CEP63: variants seen among roughly 807,000 people sequenced by gnomAD.
The protein encoded by CEP63 is centrosomal protein 63.
Under a neutral mutation model 89.1 loss-of-function variants are expected in CEP63, and 84 were observed. That is an observed-to-expected ratio of 0.94 (90% confidence interval 0.79 to 1.13). CEP63 has a LOEUF of 1.13. Among genes scored for constraint, CEP63 ranks in the 50% most tolerant of loss-of-function variants. The probability of loss-of-function intolerance (pLI) is 0.00; values close to 1 mark genes in which losing one functional copy is unlikely to be tolerated. For synonymous variants in CEP63, 267 were observed against 272.5 expected, an observed-to-expected ratio of 0.98 and a Z score of 0.20; for missense variants, 838 against 813.3, an observed-to-expected ratio of 1.03 and a Z score of -0.37.
At chr3:134,779,169 T>C in the CEP63 span, among the ~76,000 whole-genome samples, 1 of 152,174 alleles carries the variant, frequency 6.6e-6, no homozygotes, top group Admixed American at 6.5e-5. Flanking sequence ...GGTAAATATA[T>C]GCAAAATAAT....
chr3:134,549,226 A>T, intron 10 of CEP63, 50 bp downstream of exon 10: 1 of 1,153,494 alleles, frequency 8.7e-7, no homozygotes, highest in Non-Finnish European at 1.3e-6. Flanking sequence ...TTTATGGACA[A>T]AGCTGTGGAT....
chr3:134,652,757 T>A, the CEP63 span, among the ~76,000 whole-genome samples: 1 of 152,124 alleles, frequency 6.6e-6, no homozygotes, highest in Non-Finnish European at 1.5e-5. Context: ...TGTTGGAGAT[T>A]GCTGAGGCAG....
chr3:134,514,922 T>TCC (rs1945878535), intron 3 of CEP63, among the ~76,000 whole-genome samples: 1 of 152,232 alleles, frequency 6.6e-6, no homozygotes, highest in Non-Finnish European at 1.5e-5. Context: ...TTTTGCTATG[T>TCC]TGCCCAGGCT....
At chr3:134,667,796 C>A in the CEP63 span, among the ~76,000 whole-genome samples, 1 of 152,150 alleles carries the variant, frequency 6.6e-6, no homozygotes, top group Admixed American at 6.5e-5. Flanking sequence ...GTGACCAAGA[C>A]CCCGGGGCAA....
intron 6 of CEP63, among the ~76,000 whole-genome samples, chr3:134,539,999 A>G (rs1407391526): frequency 2.6e-5 from 4 of 152,152 alleles, no homozygotes; most frequent in Non-Finnish European, 1.5e-5. Flanking sequence ...TTTGATAGGA[A>G]AAACCTATAT....
intron 3 of CEP63, among the ~76,000 whole-genome samples, chr3:134,509,507 C>T (rs1274235500): frequency 5.9e-5 from 9 of 152,184 alleles, no homozygotes; most frequent in Non-Finnish European, 1.2e-4. Flanking sequence ...ACATTTTTGA[C>T]GATTCTTTCC....
chr3:134,664,127 G>T, the CEP63 span, among the ~76,000 whole-genome samples: 1 of 152,186 alleles, frequency 6.6e-6, no homozygotes, highest in Non-Finnish European at 1.5e-5. Flanking sequence ...ACACCTGTTA[G>T]GCTGATTCAA....
At chr3:134,741,107 A>G in the CEP63 span, among the ~76,000 whole-genome samples, 2 of 152,200 alleles carry the variant, frequency 1.3e-5, no homozygotes, top group Admixed American at 6.5e-5. Flanking sequence ...CTCTCAACAG[A>G]TGGGTGGTGG....
Position 134,561,572 on chromosome 3 carries a change from A to G in CEP63, c.*37A>G, listed in dbSNP as rs1380714638. On this transcript the variant is annotated 3_prime_UTR_variant, in exon 15 of 15. Transcript: ENST00000675561. ...AATCACTATCTTGGAAATAAAAATA[A>G]ACACCAAAGAGTTACTGTCATCTGA... 6.3e-7 allele frequency: 1 copy of G among 1,586,146 alleles called. No individual in the cohort carries two copies. Among genetic ancestry groups the G allele is most frequent in the African/African-American group, 1.4e-5 (1 of 74,062 alleles).
At chr3:134,658,428 G>A in the CEP63 span, among the ~76,000 whole-genome samples, 2 of 152,154 alleles carry the variant, frequency 1.3e-5, no homozygotes, top group Non-Finnish European at 1.5e-5. Context: ...AAAGTCTGTG[G>A]CAGAGTCATG....
At chr3:134,713,554 T>TG in the CEP63 span, among the ~76,000 whole-genome samples, 1 of 152,166 alleles carries the variant, frequency 6.6e-6, no homozygotes, top group Non-Finnish European at 1.5e-5. Flanking sequence ...GGATCCTACA[T>TG]GGCATCATGG....
At chr3:134,658,961 C>T in the CEP63 span, among the ~76,000 whole-genome samples, 1 of 152,230 alleles carries the variant, frequency 6.6e-6, no homozygotes, top group Admixed American at 6.5e-5. Flanking sequence ...TATTTCTGTT[C>T]ATGACACCTT....
chr3:134,553,941 C>T (rs35718987), intron 12 of CEP63, among the ~76,000 whole-genome samples: 48,416 of 151,878 alleles, frequency 0.32, 8,001 homozygotes, highest in African/African-American at 0.36. Context: ...ATATTTATTT[C>T]AATGGTTAAT....
the CEP63 span, among the ~76,000 whole-genome samples, chr3:134,594,915 G>A: frequency 5.9e-5 from 9 of 152,198 alleles, no homozygotes; most frequent in African/African-American, 1.9e-4. Context: ...TCTGAGCTGG[G>A]TGGCATGCAT....
At position 134,532,075 on chromosome 3, in the gene CEP63, T is replaced by A. The variant is rs549135531; in HGVS notation, c.318+135T>A. 1.0e-4 allele frequency: 63 copies of A among 625,080 alleles called. 2 individuals carry two copies. In the South Asian group the frequency reaches 1.2e-3, roughly 12 times the overall value. 38.7% of individuals were successfully genotyped at this position (625,080 alleles called of 1,614,324 possible). Reference sequence around the variant, plus strand: ...TCCATCAAAGATACAGGAGTGGGAATCCATTTCTCTGTTCTTTAATCCAGG... The same window carrying A: ...TCCATCAAAGATACAGGAGTGGGAAACCATTTCTCTGTTCTTTAATCCAGG... On this transcript the variant is annotated intron_variant, in intron 4 of 14. Transcript: ENST00000675561.
chr3:134,752,105 G>A, the CEP63 span, among the ~76,000 whole-genome samples: 1 of 152,162 alleles, frequency 6.6e-6, no homozygotes, highest in African/African-American at 2.4e-5. Context: ...GCAGAGAAGA[G>A]GGCCAAGAGG....
At chr3:134,667,543 A>C in the CEP63 span, among the ~76,000 whole-genome samples, 1 of 152,236 alleles carries the variant, frequency 6.6e-6, no homozygotes, top group African/African-American at 2.4e-5. Context: ...CCTCCTTCTC[A>C]TCTCTTAACT....
chr3:134,768,613 G>C, the CEP63 span, among the ~76,000 whole-genome samples: 1 of 152,184 alleles, frequency 6.6e-6, no homozygotes, highest in Non-Finnish European at 1.5e-5. Context: ...TACTTGTATG[G>C]CTGACTCTAA....
downstream of CEP63, among the ~76,000 whole-genome samples, chr3:134,568,151 G>T (rs1284242142): frequency 1.3e-5 from 2 of 152,106 alleles, no homozygotes; most frequent in African/African-American, 2.4e-5. Context: ...CACTGTGGAT[G>T]GGCTAATCAT....
Sources: allele counts gnomAD v4.1 joint callset (sites outside exome capture counted in the v4.1 genomes callset), GRCh38; gene constraint gnomAD v4.1.1; transcripts MANE v1.5; gene names NCBI Gene and HGNC (gene_info 2026-07-23, HGNC 2026-07-21).